JPH1: variants seen among roughly 807,000 people sequenced by gnomAD.
JPH1 encodes the protein junctophilin 1.
JPH1 carries 12 observed loss-of-function variants against 53.6 expected under a neutral mutation model. That is an observed-to-expected ratio of 0.22 (90% CI 0.14 to 0.36). The LOEUF is 0.36. Among genes scored for constraint, JPH1 ranks in the 10% least tolerant of loss-of-function variants. JPH1 has a pLI of 1.00. For missense variants in JPH1, 808 were observed against 905.5 expected (o/e 0.89, Z 1.38); for synonymous variants, 375 against 363.8 (o/e 1.03, Z -0.35).
chr8:74,306,433 A>G (rs551961022), intron 2 of JPH1, among the ~76,000 whole-genome samples: 3 of 152,352 alleles, frequency 2.0e-5, no homozygotes, highest in African/African-American at 7.2e-5. Context: ...TGGGAAATGG[A>G]CATTCTTTGA....
intron 2 of JPH1, among the ~76,000 whole-genome samples, chr8:74,280,962 T>G (rs867544654): frequency 2.6e-5 from 4 of 152,174 alleles, no homozygotes; most frequent in Admixed American, 2.0e-4. Context: ...AGGTAATGGT[T>G]TGTCCAAAGT....
chr8:74,249,069 A>G (rs536438832), intron 3 of JPH1, among the ~76,000 whole-genome samples: 1 of 152,328 alleles, frequency 6.6e-6, no homozygotes, highest in Non-Finnish European at 1.5e-5. Context: ...AACAACATTC[A>G]GCATGCCATC....
chr8:74,305,176 G>T (rs370257805), intron 2 of JPH1, among the ~76,000 whole-genome samples: 2 of 152,320 alleles, frequency 1.3e-5, no homozygotes, highest in African/African-American at 4.8e-5. Flanking sequence ...GATTTGCAAG[G>T]CACTAGTCTT....
At chr8:74,239,395 A>G (rs1278342196) in intron 4 of JPH1, among the ~76,000 whole-genome samples, 1 of 152,150 alleles carries the variant, frequency 6.6e-6, no homozygotes, top group Non-Finnish European at 1.5e-5. Context: ...TTTCCCATTC[A>G]GTCCTTTAAA....
At chr8:74,265,014 A>G (rs572156380) in intron 2 of JPH1, among the ~76,000 whole-genome samples, 2 of 152,332 alleles carry the variant, frequency 1.3e-5, no homozygotes, top group African/African-American at 4.8e-5. Context: ...CAATGTATGC[A>G]CACGGTAATC....
rs553239114 is a variant in JPH1, at chr8:74,241,087, T to C, written c.1905+3442A>G. Among the ~76,000 whole-genome samples the C allele has an allele frequency of 3.3e-5, 5 of 152,268 alleles. No individual in the cohort carries two copies. In the East Asian group the frequency reaches 7.7e-4, roughly 23 times the overall value. ...TTTTGCACGCATACACACACACACATATTTCTCCTGTATATGTTCTAATAT... is the reference window on the plus strand; with the variant it reads ...TTTTGCACGCATACACACACACACACATTTCTCCTGTATATGTTCTAATAT... On this transcript the variant is annotated intron_variant, in intron 4 of 5. Coordinates refer to ENST00000342232, the MANE Select transcript of JPH1 (RefSeq NM_020647.4).
chr8:74,249,749 A>G (rs557373609), intron 3 of JPH1, among the ~76,000 whole-genome samples: 87 of 152,346 alleles, frequency 5.7e-4, no homozygotes, highest in Non-Finnish European at 8.2e-4. Context: ...TCCATGACAT[A>G]TTAATGATAG....
chr8:74,285,295 T>C (rs1393685218), intron 2 of JPH1, among the ~76,000 whole-genome samples: 17 of 152,122 alleles, frequency 1.1e-4, no homozygotes, highest in Admixed American at 1.1e-3. Flanking sequence ...ATACTATATC[T>C]ACTTTATGAA....
rs745829189 is a variant in JPH1 at position 74,321,015 on chromosome 8, C to T, written c.273G>A (p.Lys91=). ...MYRGEWSHGF[K]GRYGVRQSLC... Reference sequence around the variant, plus strand: ...GGCTCTGCCGGACCCCGTAGCGCCCCTTGAAACCATGTGACCACTCCCCCC... The same window carrying T: ...GGCTCTGCCGGACCCCGTAGCGCCCTTTGAAACCATGTGACCACTCCCCCC... Residue 91 remains lysine, a synonymous_variant, in exon 1 of 6, where the codon AAG becomes AAA. Coordinates refer to ENST00000342232, the MANE Select transcript of JPH1 (RefSeq NM_020647.4). This position sits in a 1 kb window ranked among gnomAD's most constrained non-coding sequence, Gnocchi z 4.3. 8.7e-6 allele frequency: 14 copies of T among 1,613,160 alleles called. No homozygotes were observed. Among genetic ancestry groups the T allele is most frequent in the South Asian group, 2.2e-5 (2 of 90,914 alleles).
rs754722735 is a variant in JPH1 at position 74,237,301 on chromosome 8, G to A, written c.1908C>T (p.Gly636=). The A allele has an allele frequency of 2.0e-5, 33 of 1,610,072 alleles. No individual in the cohort carries two copies. Among genetic ancestry groups the A allele is most frequent in the Non-Finnish European group, 2.7e-5 (32 of 1,178,140 alleles). Residue 636 remains glycine (G), a splice_region_variant and synonymous_variant, in exon 5 of 6, where the codon GGC becomes GGT. Transcript: ENST00000342232. The part of the protein sequence containing the change: ...CPALEKEANS[G]PNSIMIVLVM... ...CAAGGACAATCATGATTGAATTAGGGCCCTGAAAATGAAAGAGAACAAAGT... is the reference window on the plus strand; with the variant it reads ...CAAGGACAATCATGATTGAATTAGGACCCTGAAAATGAAAGAGAACAAAGT...
chr8:74,236,273 T>C lies in JPH1; in HGVS notation c.*778A>G, dbSNP rs898018853. The stretch of plus-strand genomic sequence containing the variant: ...AATAAATGACATAAAAGATGGTATA[T>C]TGCTATCAAAATAAGCACATTTTCA... On this transcript the variant is annotated 3_prime_UTR_variant, in exon 6 of 6. Coordinates refer to ENST00000342232, the MANE Select transcript of JPH1 (RefSeq NM_020647.4). 1.3e-5 allele frequency: 2 copies of C among 152,246 alleles called. No homozygotes were observed. The highest frequency in any genetic ancestry group is 4.8e-5 in the African/African-American group (2 of 41,454). 9.4% of individuals were successfully genotyped at this position (152,246 alleles called of 1,614,324 possible).
chr8:74,297,919 TAAC>T (rs1171703471), intron 2 of JPH1, among the ~76,000 whole-genome samples: 4 of 152,244 alleles, frequency 2.6e-5, no homozygotes, highest in African/African-American at 9.6e-5. Flanking sequence ...ATTACATTTA[TAAC>T]AACAATTGAA....
At chr8:74,237,829 G>A (rs184012514) in intron 4 of JPH1, among the ~76,000 whole-genome samples, 1 of 152,268 alleles carries the variant, frequency 6.6e-6, no homozygotes, top group East Asian at 1.9e-4. Flanking sequence ...TTTCCGTTAA[G>A]TAAAAGCTGT....
chr8:74,255,984 C>T (rs920786700), intron 3 of JPH1, among the ~76,000 whole-genome samples: 35 of 152,228 alleles, frequency 2.3e-4, no homozygotes, highest in African/African-American at 7.0e-4. Context: ...GTGGGTGTGG[C>T]GATTCCTCAG....
Position 74,320,835 on chromosome 8 carries a change from C to T in JPH1, c.379+74G>A, listed in dbSNP as rs529168397. 3 of 1,416,384 alleles carry T rather than the reference C, an allele frequency of 2.1e-6. No homozygotes were observed. The highest frequency in any genetic ancestry group is 1.8e-6 in the Non-Finnish European group (2 of 1,085,470). The allele number at this position is 1,416,384 out of a possible 1,614,324, so 87.7% of individuals were successfully genotyped here. A position where few individuals can be genotyped will look rare whatever the true frequency, so the allele number is the denominator to read the frequency against. On this transcript the variant is annotated intron_variant, in intron 1 of 5. Transcript: ENST00000342232. This position sits in a 1 kb window ranked among gnomAD's most constrained non-coding sequence, Gnocchi z 4.4. ...GGACACGTGCGCCCGGCGTCCTCCCCGCTTCCCCGCAGCCGGGGCAGAGCC... is the reference window on the plus strand; with the variant it reads ...GGACACGTGCGCCCGGCGTCCTCCCTGCTTCCCCGCAGCCGGGGCAGAGCC...
intron 2 of JPH1, among the ~76,000 whole-genome samples, chr8:74,279,669 T>C (rs1806952452): frequency 6.6e-6 from 1 of 152,226 alleles, no homozygotes; most frequent in Admixed American, 6.5e-5. Context: ...TCCAATTCAC[T>C]TCTTATACAA....
chr8:74,288,959 A>G (rs1807246061), intron 2 of JPH1, among the ~76,000 whole-genome samples: 1 of 152,194 alleles, frequency 6.6e-6, no homozygotes, highest in Non-Finnish European at 1.5e-5. Flanking sequence ...CACTCAAACT[A>G]TGCCCTTCTT....
intron 2 of JPH1, among the ~76,000 whole-genome samples, chr8:74,281,044 C>T (rs570079044): frequency 3.1e-4 from 47 of 152,238 alleles, no homozygotes; most frequent in African/African-American, 9.1e-4. Flanking sequence ...TTCTTTCCTC[C>T]GCGTGGTTCT....
chr8:74,301,698 C>T (rs1807686205), intron 2 of JPH1, among the ~76,000 whole-genome samples: 1 of 152,236 alleles, frequency 6.6e-6, no homozygotes, highest in Non-Finnish European at 1.5e-5. Context: ...AGCCTCATCC[C>T]TGTAAGCCCC....
Sources: allele counts gnomAD v4.1 joint callset (sites outside exome capture counted in the v4.1 genomes callset), GRCh38; gene constraint gnomAD v4.1.1; non-coding constraint Gnocchi (gnomAD v3.1); transcripts MANE v1.5; gene names NCBI Gene and HGNC (gene_info 2026-07-23, HGNC 2026-07-21).